TMEM255B: variants seen among roughly 807,000 people sequenced by gnomAD.
TMEM255B encodes transmembrane protein 255B.
TMEM255B carries 35 observed loss-of-function variants against 34.5 expected under a neutral mutation model. The observed-to-expected ratio is 1.01, with a 90% CI of 0.77 to 1.34. The LOEUF is 1.34. Among genes scored for constraint, TMEM255B ranks in the 40% most tolerant of loss-of-function variants. The probability of loss-of-function intolerance (pLI) is 0.00; values close to 1 mark genes in which losing one functional copy is unlikely to be tolerated. For missense variants in TMEM255B, 432 were observed against 433.2 expected, an observed-to-expected ratio of 1.00 and a Z score of 0.02; for synonymous variants, 206 against 201.2, an observed-to-expected ratio of 1.02 and a Z score of -0.20.
intron 3 of TMEM255B, among the ~76,000 whole-genome samples, chr13:113,785,897 G>A (rs899292508): frequency 2.6e-5 from 4 of 152,172 alleles, no homozygotes; most frequent in East Asian, 1.9e-4. Flanking sequence ...GATGCTTCTC[G>A]GAGTGTTTTG....
intron 4 of TMEM255B, among the ~76,000 whole-genome samples, chr13:113,796,949 ACT>A (rs2050952753): frequency 6.6e-6 from 1 of 151,648 alleles, no homozygotes; most frequent in Non-Finnish European, 1.5e-5. Flanking sequence ...ACATGCTCAC[ACT>A]CGCGCGCACA....
intron 3 of TMEM255B, among the ~76,000 whole-genome samples, chr13:113,778,519 C>T (rs1030904047): frequency 2.0e-5 from 3 of 149,810 alleles, no homozygotes; most frequent in South Asian, 2.1e-4. Context: ...GGTACTGTGG[C>T]GTCTTCTCCC....
In TMEM255B at chr13:113,801,647, G is replaced by C; in HGVS notation, c.510-6G>C. On this transcript the variant is annotated splice_region_variant and splice_polypyrimidine_tract_variant and intron_variant, in intron 6 of 8. Transcript: ENST00000375353. ...GCGGTGACGCCATGGTGCCCTCTCT[G>C]TGCAGCGCAGAGCCCTCGCCCGCCT... 1 of 1,598,312 alleles carries C rather than the reference G, an allele frequency of 6.3e-7. No homozygotes were observed. Among genetic ancestry groups the C allele is most frequent in the Non-Finnish European group, 8.5e-7 (1 of 1,170,564 alleles).
In TMEM255B at chr13:113,813,043, G is replaced by T. The variant is rs12872428; in HGVS notation, c.*1140G>T. On this transcript the variant is annotated 3_prime_UTR_variant, in exon 9 of 9. Transcript: ENST00000375353. ...TCCCGGGTGGGTCACAGGCGCCCCA[G>T]TGACAGGAGTTCAGGATGCGCCACC... 4,944 of 147,360 alleles carry T rather than the reference G, an allele frequency of 0.034. 191 individuals carry two copies. The highest frequency in any genetic ancestry group is 0.073 in the South Asian group (336 of 4,618). 9.1% of individuals were successfully genotyped at this position (147,360 alleles called of 1,614,324 possible).
intron 3 of TMEM255B, among the ~76,000 whole-genome samples, chr13:113,774,568 C>G (rs1456571428): frequency 7.0e-6 from 1 of 142,756 alleles, no homozygotes; most frequent in Non-Finnish European, 1.5e-5. Context: ...ACACACAACA[C>G]ACATGACACA....
intron 3 of TMEM255B, among the ~76,000 whole-genome samples, chr13:113,788,546 C>G (rs1448071288): frequency 6.6e-6 from 1 of 152,066 alleles, no homozygotes; most frequent in Admixed American, 6.5e-5. Flanking sequence ...TCTCCTCCTG[C>G]CACACGTGGC....
chr13:113,784,585 A>G lies in TMEM255B; in HGVS notation c.253-10563A>G, dbSNP rs115002946. The stretch of plus-strand genomic sequence containing the variant: ...GAGAAGGGAGGAGGAGAAGGAGGAG[A>G]AGGAGAGAAGGGTTAGAGAGTGAAA... On this transcript the variant is annotated intron_variant, in intron 3 of 8. Coordinates refer to ENST00000375353, the MANE Select transcript of TMEM255B (RefSeq NM_182614.4). Among the ~76,000 whole-genome samples, 480 of 152,044 alleles carry G rather than the reference A, an allele frequency of 3.2e-3. 1 individual carries two copies. Among genetic ancestry groups the G allele is most frequent in the African/African-American group, 9.8e-3 (407 of 41,456 alleles).
In TMEM255B at chr13:113,812,918, G is replaced by GCGTC. The variant is rs745419315; in HGVS notation, c.*1015_*1016insCGTC. The GCGTC allele has an allele frequency of 7.5e-6, 1 of 133,866 alleles. No individual in the cohort carries two copies. The highest frequency in any genetic ancestry group is 1.6e-5 in the Non-Finnish European group (1 of 64,174). 8.3% of individuals were successfully genotyped at this position (133,866 alleles called of 1,614,324 possible). ...CCCGGGTGAGTCACAGGCCCCGGGT[G>GCGTC]AGTCACGGGTCCCGGGTGGGTCACG... On this transcript the variant is annotated 3_prime_UTR_variant, in exon 9 of 9. Coordinates refer to ENST00000375353, the MANE Select transcript of TMEM255B (RefSeq NM_182614.4).
At position 113,806,104 on chromosome 13, in the gene TMEM255B, G is replaced by C. The variant is rs1434625679; in HGVS notation, c.813+1076G>C. 2.6e-5 allele frequency among the ~76,000 whole-genome samples: 4 copies of C among 152,332 alleles called. No homozygotes were observed. In the East Asian group the frequency reaches 7.7e-4, roughly 29 times the overall value. On this transcript the variant is annotated intron_variant, in intron 8 of 8. Transcript: ENST00000375353. The surrounding 1 kb of genome is among the most constrained non-coding windows in gnomAD (Gnocchi z 4.2). ...CCGACACATGACGTTGTCAGGAAAA[G>C]ATCTTCCTTAGAGGGACATCCGGGG... is the stretch of plus-strand genomic sequence containing the variant.
rs1162985142 is a variant in TMEM255B at position 113,813,005 on chromosome 13, A to AGTGGGTCACGGGTCCCGG, written c.*1112_*1129dup. On this transcript the variant is annotated 3_prime_UTR_variant, in exon 9 of 9. Coordinates refer to ENST00000375353, the MANE Select transcript of TMEM255B (RefSeq NM_182614.4). ...GGTCCCGGGTGGGTCACGGGTCCCGAGTGGGTCACGGGTCCCGGGTGGGTC... is the reference window on the plus strand; with the variant it reads ...GGTCCCGGGTGGGTCACGGGTCCCGAGTGGGTCACGGGTCCCGGGTGGGTCACGGGTCCCGGGTGGGTC... The AGTGGGTCACGGGTCCCGG allele has an allele frequency of 2.9e-5, 3 of 104,122 alleles. No individual in the cohort carries two copies. Among genetic ancestry groups the AGTGGGTCACGGGTCCCGG allele is most frequent in the Non-Finnish European group, 5.6e-5 (3 of 54,028 alleles). The allele number at this position is 104,122 out of a possible 1,614,324, so 6.4% of individuals were successfully genotyped here. A position where few individuals can be genotyped will look rare whatever the true frequency, so the allele number is the denominator to read the frequency against.
intron 3 of TMEM255B, among the ~76,000 whole-genome samples, chr13:113,790,792 A>G (rs9635146): frequency 0.14 from 10,356 of 74,670 alleles, 1,248 homozygotes; most frequent in East Asian, 0.38. Flanking sequence ...CCGGACACGT[A>G]GACATCCTAG....
In TMEM255B at chr13:113,795,201, C is replaced by T. The variant is rs1271724699; in HGVS notation, c.306C>T (p.Cys102=). Residue 102 remains cysteine, a synonymous_variant, in exon 4 of 9, where the codon TGC becomes TGT. Coordinates refer to ENST00000375353, the MANE Select transcript of TMEM255B (RefSeq NM_182614.4). ...TTGGCGTGGTGGCCGCCTTCTGCTG[C>T]GCCATCGTGGACGGCGTATTTGCAG... The part of the protein sequence containing the change: ...ISFGVVAAFC[C]AIVDGVFAAQ... 11 of 1,613,920 alleles carry T rather than the reference C, an allele frequency of 6.8e-6. No individual in the cohort carries two copies. Among genetic ancestry groups the T allele is most frequent in the Admixed American group, 3.3e-5 (2 of 60,026 alleles).
chr13:113,807,392 C>T (rs1024988344), intron 8 of TMEM255B, among the ~76,000 whole-genome samples: 2 of 136,244 alleles, frequency 1.5e-5, no homozygotes, highest in East Asian at 2.3e-4. Context: ...GGTGGTCCTC[C>T]CTGTCACACG....
intron 3 of TMEM255B, among the ~76,000 whole-genome samples, chr13:113,773,937 A>G (rs546994599): frequency 2.0e-5 from 3 of 152,370 alleles, no homozygotes; most frequent in Non-Finnish European, 2.9e-5. Flanking sequence ...CAGGCTGTCA[A>G]CGTCAGCTAC....
intron 3 of TMEM255B, among the ~76,000 whole-genome samples, chr13:113,775,082 C>T (rs1467702035): frequency 6.6e-6 from 1 of 150,940 alleles, no homozygotes; most frequent in Non-Finnish European, 1.5e-5. Flanking sequence ...TCCACACACA[C>T]CACATACACC....
At chr13:113,808,795 G>GC (rs1555302344) in intron 8 of TMEM255B, among the ~76,000 whole-genome samples, 1 of 108,616 alleles carries the variant, frequency 9.2e-6, no homozygotes, top group Admixed American at 9.7e-5. Flanking sequence ...TGGTTCCTGG[G>GC]GGGGGGGTTA....
At chr13:113,763,030 G>A (rs898025096) in intron 1 of TMEM255B, among the ~76,000 whole-genome samples, 1 of 152,178 alleles carries the variant, frequency 6.6e-6, no homozygotes, top group African/African-American at 2.4e-5. Flanking sequence ...ATTGGAATGG[G>A]AGCCTAAGGA....
At chr13:113,807,187 G>T (rs540466255) in intron 8 of TMEM255B, among the ~76,000 whole-genome samples, 180 of 152,328 alleles carry the variant, frequency 1.2e-3, no homozygotes, top group Middle Eastern at 3.4e-3. Flanking sequence ...CTTTGTGGAG[G>T]GAGGGGCTGG....
intron 5 of TMEM255B, 121 bp downstream of exon 5, chr13:113,799,540 C>T (rs2051003962): frequency 3.3e-6 from 3 of 909,086 alleles, no homozygotes; most frequent in African/African-American, 1.7e-5. Context: ...CTGGGGGTCA[C>T]CCCTGCAGCT....
Sources: gnomAD v4.1 joint callset for allele counts (sites outside exome capture counted in the v4.1 genomes callset) on GRCh38, gnomAD v4.1.1 for gene constraint, Gnocchi (gnomAD v3.1) non-coding constraint, MANE v1.5 for transcripts, NCBI Gene and HGNC (gene_info 2026-07-23, HGNC 2026-07-21) for gene names.